Variants in FCGRT observed in about 807,000 individuals in gnomAD.
The protein encoded by FCGRT is IgG receptor FcRn large subunit p51.
FCGRT carries 13 observed loss-of-function variants against 35.7 expected under a neutral mutation model. The observed-to-expected ratio is 0.36, with a 90% CI of 0.24 to 0.58. FCGRT has a LOEUF of 0.58. FCGRT is among the 20% of genes least tolerant of loss of function. The pLI, the probability that FCGRT is intolerant of heterozygous loss-of-function variation, is 0.77. For synonymous variants in FCGRT, 233 were observed against 216.5 expected, an observed-to-expected ratio of 1.08 and a Z score of -0.67; for missense variants, 455 against 474.9, an observed-to-expected ratio of 0.96 and a Z score of 0.39.
Position 49,513,418 on chromosome 19 carries a change from T to C in FCGRT, c.18T>C (p.Pro6=). ...CTCTCAGCATGGGGGTCCCGCGGCCTCAGCCCTGGGCGCTGGGGCTCCTGC... is the reference window on the plus strand; with the variant it reads ...CTCTCAGCATGGGGGTCCCGCGGCCCCAGCCCTGGGCGCTGGGGCTCCTGC... MGVPR[P]QPWALGLLLF... Residue 6 remains proline (P), a synonymous_variant, in exon 2 of 7, where the codon CCT becomes CCC. Transcript: ENST00000221466. The C allele has an allele frequency of 5.0e-6, 6 of 1,206,216 alleles. No individual in the cohort carries two copies. Among genetic ancestry groups the C allele is most frequent in the Non-Finnish European group, 6.2e-6 (6 of 963,810 alleles). 74.7% of individuals were successfully genotyped at this position (1,206,216 alleles called of 1,614,324 possible). A position where few individuals can be genotyped will look rare whatever the true frequency, so the allele number is the denominator to read the frequency against.
At chr19:49,524,982 G>T in intron 5 of FCGRT, 1 of 693,018 alleles carries the variant, frequency 1.4e-6, no homozygotes, top group South Asian at 1.5e-5. Flanking sequence ...GCTGCTTCTG[G>T]CCTCACTGAG....
chr19:49,519,618 C>T (rs954851776), intron 4 of FCGRT, among the ~76,000 whole-genome samples: 2 of 152,084 alleles, frequency 1.3e-5, no homozygotes, highest in Non-Finnish European at 2.9e-5. Context: ...GGAGCAGCTC[C>T]ATCTAGAAGC....
intron 2 of FCGRT, 79 bp downstream of exon 2, chr19:49,513,552 C>CG: frequency 1.2e-6 from 1 of 835,934 alleles, no homozygotes; most frequent in Non-Finnish European, 1.6e-6. Context: ...GCGAAGCCAG[C>CG]GGGACCCGAG....
In FCGRT at chr19:49,524,742, C is replaced by T. The variant is rs771418792; in HGVS notation, c.837C>T (p.His279=). ...ACCACTACTGCTGCATTGTGCAGCA[C>T]GCGGGGCTGGCGCAGCCCCTCAGGG... The part of the protein sequence containing the change: ...DEHHYCCIVQ[H]AGLAQPLRVE... Residue 279 remains histidine, a synonymous_variant, in exon 5 of 7, where the codon CAC becomes CAT. Transcript: ENST00000221466. The T allele has an allele frequency of 2.9e-5, 46 of 1,601,292 alleles. No individual in the cohort carries two copies. The Middle Eastern group carries it at 8.3e-4, about 29-fold the overall frequency.
intron 4 of FCGRT, 36 bp downstream of exon 4, chr19:49,514,522 T>A (rs749345439): frequency 9.3e-6 from 14 of 1,509,116 alleles, no homozygotes; most frequent in East Asian, 6.9e-5. Context: ...TGTTCTGTCC[T>A]CTCTCCCGTC....
chr19:49,525,612 C>T (rs1568704606), intron 6 of FCGRT, 39 bp downstream of exon 6: 1 of 1,411,402 alleles, frequency 7.1e-7, no homozygotes, highest in Non-Finnish European at 1.0e-6. Flanking sequence ...GAGAGAGGGA[C>T]AGAGACCCCA....
At position 49,525,576 on chromosome 19, in the gene FCGRT, G is replaced by A; in HGVS notation, c.988+3G>A. On this transcript the variant is annotated splice_donor_region_variant and intron_variant, in intron 6 of 6. Transcript: ENST00000221466. ...AAGGATGAGGAGTGGGCTGCCAGGT[G>A]GGGGGCAGCGGGAGGAAGAGCCTCT... The A allele has an allele frequency of 1.9e-6, 3 of 1,589,598 alleles. No individual in the cohort carries two copies. Among genetic ancestry groups the A allele is most frequent in the Non-Finnish European group, 2.6e-6 (3 of 1,159,448 alleles).
chr19:49,524,890 G>A (rs1040674305), intron 5 of FCGRT, 114 bp downstream of exon 5: 1 of 1,103,332 alleles, frequency 9.1e-7, no homozygotes, highest in Non-Finnish European at 1.3e-6. Flanking sequence ...CCTTGAATCT[G>A]ACTGCCTTGA....
At position 49,525,501 on chromosome 19, in the gene FCGRT, G is replaced by A. The variant is rs144900355; in HGVS notation, c.916G>A (p.Gly306Ser). 551 of 1,613,796 alleles carry A rather than the reference G, an allele frequency of 3.4e-4. No individual in the cohort carries two copies. The highest frequency in any genetic ancestry group is 4.6e-4 in the Non-Finnish European group (539 of 1,179,990). The change falls in exon 6 of 7, where the codon GGT becomes AGT. Residue 306 changes from glycine (G) to serine (S), a missense_variant. Gly to Ser is a moderately conservative substitution (Grantham distance 56). Coordinates refer to ENST00000221466, the MANE Select transcript of FCGRT (RefSeq NM_001136019.3). ...CGTGCTCGTGGTGGGAATCGTCATC[G>A]GTGTCTTGCTACTCACGGCAGCGGC... ...SSVLVVGIVI[G>S]VLLLTAAAVG...
chr19:49,525,661 A>C (rs935327762), intron 6 of FCGRT, 88 bp downstream of exon 6: 4 of 879,320 alleles, frequency 4.5e-6, no homozygotes. Context: ...AGAGACCCAG[A>C]GAGGGGGGAC....
chr19:49,518,124 T>C (rs1392819625), intron 4 of FCGRT, among the ~76,000 whole-genome samples: 1 of 152,084 alleles, frequency 6.6e-6, no homozygotes, highest in Non-Finnish European at 1.5e-5. Flanking sequence ...GACTGTTTTG[T>C]TGATAAGTCC....
chr19:49,517,424 G>A (rs2080014001), intron 4 of FCGRT, among the ~76,000 whole-genome samples: 1 of 151,804 alleles, frequency 6.6e-6, no homozygotes, highest in African/African-American at 2.4e-5. Context: ...CCGGGAAGCA[G>A]AGGTTGCAGT....
chr19:49,513,405 G>T lies in FCGRT; in HGVS notation c.5G>T (p.Gly2Val). ...GCCCCAGGTCGTCCTCTCAGCATGG[G>T]GGTCCCGCGGCCTCAGCCCTGGGCG... is the stretch of plus-strand genomic sequence containing the variant. M[G>V]VPRPQPWALG... Residue 2 changes from glycine (G) to valine (V), a missense_variant, in exon 2 of 7, where the codon GGG (glycine) becomes GTG (valine). Coordinates refer to ENST00000221466, the MANE Select transcript of FCGRT (RefSeq NM_001136019.3). The T allele has an allele frequency of 8.0e-7, 1 of 1,245,112 alleles. No individual in the cohort carries two copies. Among genetic ancestry groups the T allele is most frequent in the Non-Finnish European group, 1.0e-6 (1 of 987,608 alleles). 77.1% of individuals were successfully genotyped at this position (1,245,112 alleles called of 1,614,324 possible). A position where few individuals can be genotyped will look rare whatever the true frequency, so the allele number is the denominator to read the frequency against.
Position 49,526,113 on chromosome 19 carries a change from C to G in FCGRT, c.1092C>G (p.Thr364=), listed in dbSNP as rs140352484. 3 of 1,607,318 alleles carry G rather than the reference C, an allele frequency of 1.9e-6. No homozygotes were observed. The highest frequency in any genetic ancestry group is 1.7e-5 in the Admixed American group (1 of 59,990). The change falls in exon 7 of 7, where the codon ACC becomes ACG. Residue 364 remains threonine (T), a synonymous_variant. Transcript: ENST00000221466. ...DLKDVNVIPA[T]A ...AGGATGTAAATGTGATTCCAGCCAC[C>G]GCCTGACCATCCGCCATTCCGACTG...
rs767515922 is a variant in FCGRT, at chr19:49,524,680, G to A, written c.775G>A (p.Ala259Thr). ...CCCCAACAGTGACGGATCCTTCCAC[G>A]CCTCGTCGTCACTAACAGTCAAAAG... ...FGPNSDGSFH[A>T]SSSLTVKSGD... is the part of the protein sequence containing the mutation. The change falls in exon 5 of 7, where the codon GCC becomes ACC. Residue 259 changes from alanine to threonine, a missense_variant. Physicochemically the swap from Ala to Thr is moderately conservative, Grantham distance 58. Transcript: ENST00000221466. 9 of 1,604,222 alleles carry A rather than the reference G, an allele frequency of 5.6e-6. No homozygotes were observed. Among genetic ancestry groups the A allele is most frequent in the Admixed American group, 3.3e-5 (2 of 60,006 alleles).
In FCGRT at chr19:49,526,111, A is replaced by T; in HGVS notation, c.1090A>T (p.Thr364Ser). 1 of 1,608,690 alleles carries T rather than the reference A, an allele frequency of 6.2e-7. No homozygotes were observed. Among genetic ancestry groups the T allele is most frequent in the Non-Finnish European group, 8.5e-7 (1 of 1,175,224 alleles). ...GAAGGATGTAAATGTGATTCCAGCC[A>T]CCGCCTGACCATCCGCCATTCCGAC... ...DLKDVNVIPA[T>S]A is the part of the protein sequence containing the mutation. Residue 364 changes from threonine (T) to serine (S), a missense_variant, in exon 7 of 7, where the codon ACC (threonine) becomes TCC (serine). By Grantham distance (58) the Thr-to-Ser change is moderately conservative (BLOSUM62 1). This residue lies in a region of FCGRT where 312 missense variants were observed against 296.1 expected (regional missense o/e 1.05). Transcript: ENST00000221466.
chr19:49,513,321 G>A, intron 1 of FCGRT, 66 bp from the exon 2 acceptor site: 1 of 795,068 alleles, frequency 1.3e-6, no homozygotes, highest in Non-Finnish European at 1.7e-6. Flanking sequence ...GGCCGTGCCC[G>A]CGGTGTCCCG....
chr19:49,525,159 G>A (rs2080066695), intron 5 of FCGRT: 4 of 512,394 alleles, frequency 7.8e-6, no homozygotes, highest in Middle Eastern at 3.5e-4. Flanking sequence ...TACTGCCCGG[G>A]CCCATGAGAC....
intron 1 of FCGRT, 108 bp downstream of exon 1, chr19:49,512,858 G>GT (rs2079979331): frequency 1.3e-5 from 2 of 151,684 alleles, no homozygotes; most frequent in South Asian, 1.6e-4. Context: ...GGGAGGAGGG[G>GT]TGGGGGCCTG....
Sources: allele counts gnomAD v4.1 joint callset (sites outside exome capture counted in the v4.1 genomes callset), GRCh38; gene constraint gnomAD v4.1.1; regional missense constraint gnomAD v4.1.1; transcripts MANE v1.5; gene names NCBI Gene and HGNC (gene_info 2026-07-23, HGNC 2026-07-21).